The following VWA3B variants were observed in gnomAD, a reference collection of about 807,000 sequenced individuals.
VWA3B encodes the protein von Willebrand factor A domain containing 3B, also known as von Willebrand factor A domain-containing protein 3B.
A neutral mutation model predicts 158.3 loss-of-function variants in VWA3B; 138 were observed. That is an observed-to-expected ratio of 0.87 (90% CI 0.76 to 1.00). VWA3B has a LOEUF of 1.00. Among genes scored for constraint, VWA3B ranks in the 50% least tolerant of loss-of-function variants. The pLI, the probability that VWA3B is intolerant of heterozygous loss-of-function variation, is 0.00. For synonymous variants in VWA3B, 596 were observed against 587.3 expected (o/e 1.01, Z -0.21); for missense variants, 1,555 against 1,565.1 (o/e 0.99, Z 0.11).
intron 4 of VWA3B, among the ~76,000 whole-genome samples, chr2:98,120,470 TC>T (rs1674875629): frequency 6.6e-6 from 1 of 152,200 alleles, no homozygotes; most frequent in South Asian, 2.1e-4. Context: ...CCTATTTCTG[TC>T]ACAGGTGTAT....
In VWA3B at chr2:98,125,057, T is replaced by G. The variant is rs1675251115; in HGVS notation, c.703-3182T>G. Among the ~76,000 whole-genome samples, 1 of 152,200 alleles carries G rather than the reference T, an allele frequency of 6.6e-6. No individual in the cohort carries two copies. The highest frequency in any genetic ancestry group is 2.1e-4 in the South Asian group (1 of 4,822). On this transcript the variant is annotated intron_variant, in intron 5 of 27. Coordinates refer to ENST00000477737, the MANE Select transcript of VWA3B (RefSeq NM_144992.5). The surrounding 1 kb of genome is among the most constrained non-coding windows in gnomAD (Gnocchi z 4.1). Reference sequence around the variant, plus strand: ...CAAATCAGCATTTAGGGAAATGTGGTCGGTGAGGAAGCTACTCCTGGACTG... The same window carrying G: ...CAAATCAGCATTTAGGGAAATGTGGGCGGTGAGGAAGCTACTCCTGGACTG...
At chr2:98,150,837 G>A (rs961620958) in intron 7 of VWA3B, among the ~76,000 whole-genome samples, 1 of 152,176 alleles carries the variant, frequency 6.6e-6, no homozygotes, top group African/African-American at 2.4e-5. Flanking sequence ...TGACTCTCTG[G>A]AGGGTGAGGA....
rs966772308 is a variant in VWA3B, at chr2:98,129,232, T to A, written c.872+824T>A. Among the ~76,000 whole-genome samples the A allele has an allele frequency of 6.0e-4, 87 of 145,420 alleles. 2 individuals are homozygous for A. Among genetic ancestry groups the A allele is most frequent in the East Asian group, 3.4e-3 (17 of 5,016 alleles). ...GAGAGAGAGAGAGAGAGAGTGTGTG[T>A]GTGTGTGTGTGTGTGTGTGTGTGTG... On this transcript the variant is annotated intron_variant, in intron 6 of 27. Transcript: ENST00000477737.
At chr2:98,287,338 G>A (rs570912203) in intron 22 of VWA3B, among the ~76,000 whole-genome samples, 1 of 152,120 alleles carries the variant, frequency 6.6e-6, no homozygotes, top group South Asian at 2.1e-4. Flanking sequence ...ACCACTACAT[G>A]TTTGCTTTTC....
intron 8 of VWA3B, among the ~76,000 whole-genome samples, chr2:98,180,226 G>C (rs1680445268): frequency 7.7e-6 from 1 of 129,468 alleles, no homozygotes; most frequent in African/African-American, 2.9e-5. Flanking sequence ...ATGGAGTCTT[G>C]CTCTCTTGCC....
chr2:98,217,082 T>A, intron 13 of VWA3B: 2 of 838,424 alleles, frequency 2.4e-6, no homozygotes, highest in South Asian at 3.5e-5. Flanking sequence ...AGGGTGGGGG[T>A]TCCCCTCAAT....
chr2:98,160,224 G>A (rs1678458733), intron 7 of VWA3B, among the ~76,000 whole-genome samples: 1 of 152,134 alleles, frequency 6.6e-6, no homozygotes, highest in Admixed American at 6.5e-5. Flanking sequence ...AAAACTGGCA[G>A]TGCTTCCTTA....
intron 21 of VWA3B, among the ~76,000 whole-genome samples, chr2:98,259,373 C>G (rs62156738): frequency 0.039 from 5,890 of 151,746 alleles, 167 homozygotes; most frequent in Middle Eastern, 0.075. Context: ...AAGGCATCTG[C>G]TTCTTAATTT....
intron 21 of VWA3B, among the ~76,000 whole-genome samples, chr2:98,265,471 C>G (rs1290749097): frequency 1.3e-5 from 2 of 152,020 alleles, no homozygotes; most frequent in Non-Finnish European, 2.9e-5. Flanking sequence ...GGTTCCAAGT[C>G]TTTGCTATTG....
chr2:98,128,737 A>G (rs1162978086), intron 6 of VWA3B, among the ~76,000 whole-genome samples: 1 of 152,180 alleles, frequency 6.6e-6, no homozygotes, highest in Admixed American at 6.5e-5. Context: ...CACACTGCCA[A>G]TCCAGGCTCT....
At chr2:98,227,339 G>A (rs1684998182) in intron 14 of VWA3B, among the ~76,000 whole-genome samples, 1 of 152,120 alleles carries the variant, frequency 6.6e-6, no homozygotes, top group African/African-American at 2.4e-5. Flanking sequence ...AGCTTACAAG[G>A]GACGTGAAGG....
At position 98,217,972 on chromosome 2, in the gene VWA3B, G is replaced by A. The variant is rs954958573; in HGVS notation, c.1963G>A (p.Glu655Lys). ...AGAGGTTGCTGCTTTGACTGGAGGAGAGTTCCATTTTTATAATTTTGGTTG... is the reference window on the plus strand; with the variant it reads ...AGAGGTTGCTGCTTTGACTGGAGGAAAGTTCCATTTTTATAATTTTGGTTG... ...LKEVAALTGG[E>K]FHFYNFGCKD... Residue 655 changes from glutamate to lysine, a missense_variant, in exon 14 of 28, where the codon GAG becomes AAG. Transcript: ENST00000477737. 2 of 1,613,340 alleles carry A rather than the reference G, an allele frequency of 1.2e-6. No individual in the cohort carries two copies. The highest frequency in any genetic ancestry group is 1.7e-6 in the Non-Finnish European group (2 of 1,179,688).
At chr2:98,130,035 C>T (rs1041321957) in intron 6 of VWA3B, among the ~76,000 whole-genome samples, 2 of 152,104 alleles carry the variant, frequency 1.3e-5, no homozygotes, top group Non-Finnish European at 2.9e-5. Context: ...ACACCGGCAC[C>T]GGCCTCTGAG....
At chr2:98,328,027 G>A in the VWA3B span, among the ~76,000 whole-genome samples, 1 of 152,060 alleles carries the variant, frequency 6.6e-6, no homozygotes, top group African/African-American at 2.4e-5. Context: ...CTGATGCCCT[G>A]TCTCTTGCCC....
At chr2:98,266,284 A>G (rs975664736) in intron 21 of VWA3B, among the ~76,000 whole-genome samples, 1 of 151,984 alleles carries the variant, frequency 6.6e-6, no homozygotes, top group Non-Finnish European at 1.5e-5. Context: ...TTTTCCCAGC[A>G]CCATTTATTA....
chr2:98,158,318 C>T (rs1172520211), intron 7 of VWA3B, among the ~76,000 whole-genome samples: 2 of 152,104 alleles, frequency 1.3e-5, no homozygotes, highest in African/African-American at 4.8e-5. Context: ...AGCCGGTGCA[C>T]ACACACACAG....
chr2:98,190,711 TAAG>T (rs1681503211), intron 10 of VWA3B, among the ~76,000 whole-genome samples: 3 of 152,294 alleles, frequency 2.0e-5, no homozygotes, highest in African/African-American at 7.2e-5. Context: ...TGATTTATGA[TAAG>T]AAGTCTCCTG....
chr2:98,322,128 A>T, the VWA3B span, among the ~76,000 whole-genome samples: 50 of 152,330 alleles, frequency 3.3e-4, no homozygotes, highest in African/African-American at 1.1e-3. Context: ...CTGTGAGTCC[A>T]TTACACTTCT....
At chr2:98,223,266 C>A (rs62156675) in intron 14 of VWA3B, among the ~76,000 whole-genome samples, 7,054 of 113,386 alleles carry the variant, frequency 0.062, 249 homozygotes, top group Middle Eastern at 0.12. Context: ...AAGGTCAGAA[C>A]AACAAAATTC....
Sources: gnomAD v4.1 joint callset for allele counts (sites outside exome capture counted in the v4.1 genomes callset) on GRCh38, gnomAD v4.1.1 for gene constraint, Gnocchi (gnomAD v3.1) non-coding constraint, MANE v1.5 for transcripts, NCBI Gene and HGNC (gene_info 2026-07-23, HGNC 2026-07-21) for gene names.